Variants in FOXP1 observed in about 807,000 individuals in gnomAD.
FOXP1 encodes forkhead box P1, also known as forkhead box protein P1.
In FOXP1, 15 loss-of-function variants were observed where a neutral mutation model predicts 98.2. The ratio of observed to expected loss-of-function variants is 0.15; its 90% CI spans 0.10 to 0.24. FOXP1 has a LOEUF of 0.24. Among genes scored for constraint, FOXP1 ranks in the 10% least tolerant of loss-of-function variants. The pLI is 1.00. For synonymous variants in FOXP1, 371 were observed against 314.5 expected (o/e 1.18, Z -1.90); for missense variants, 633 against 848.5 (o/e 0.75, Z 3.15).
chr3:71,467,847 A>G (rs2088929383), intron 3 of FOXP1, among the ~76,000 whole-genome samples: 1 of 152,168 alleles, frequency 6.6e-6, no homozygotes, highest in African/African-American at 2.4e-5. Flanking sequence ...ACGCACTTCT[A>G]CCAAATTTCC....
At chr3:71,062,140 A>C (rs1213550134) in intron 7 of FOXP1, among the ~76,000 whole-genome samples, 1 of 152,128 alleles carries the variant, frequency 6.6e-6, no homozygotes, top group Admixed American at 6.5e-5. Flanking sequence ...GGTACATTAA[A>C]CTACAAACAA....
intron 7 of FOXP1, among the ~76,000 whole-genome samples, chr3:71,060,562 C>T (rs564763290): frequency 9.9e-5 from 15 of 152,066 alleles, no homozygotes; most frequent in African/African-American, 3.1e-4. Flanking sequence ...AAGCCATCTT[C>T]AGGAAAAAGT....
chr3:71,382,642 C>A (rs989279718), intron 3 of FOXP1, among the ~76,000 whole-genome samples: 1 of 152,142 alleles, frequency 6.6e-6, no homozygotes, highest in African/African-American at 2.4e-5. Flanking sequence ...CTTAAGACTG[C>A]AAATAGGGCC....
At chr3:71,366,474 ATG>A (rs754276682) in intron 3 of FOXP1, among the ~76,000 whole-genome samples, 6 of 152,228 alleles carry the variant, frequency 3.9e-5, no homozygotes, top group Non-Finnish European at 7.3e-5. Flanking sequence ...GTATAAAAAT[ATG>A]TGTCAATGAA....
intron 11 of FOXP1, among the ~76,000 whole-genome samples, chr3:71,019,172 G>C (rs1490798698): frequency 4.6e-5 from 7 of 152,170 alleles, no homozygotes; most frequent in African/African-American, 1.7e-4. Context: ...AAATAAAAAT[G>C]AGGAGAATAA....
intron 6 of FOXP1, among the ~76,000 whole-genome samples, chr3:71,151,162 T>C (rs529006832): frequency 7.1e-4 from 108 of 152,282 alleles, no homozygotes; most frequent in African/African-American, 2.4e-3. Flanking sequence ...TTCTCAACTG[T>C]GAAATGGGAA....
chr3:71,378,921 T>G (rs1021369152), intron 3 of FOXP1, among the ~76,000 whole-genome samples: 3 of 152,108 alleles, frequency 2.0e-5, no homozygotes, highest in Non-Finnish European at 2.9e-5. Context: ...AATGGGGAAC[T>G]ATTTACTATA....
chr3:71,399,864 G>A (rs1247030062), intron 3 of FOXP1, among the ~76,000 whole-genome samples: 2 of 152,000 alleles, frequency 1.3e-5, no homozygotes, highest in African/African-American at 2.4e-5. Flanking sequence ...ATGGCTCTAC[G>A]AATCATTTAA....
At chr3:71,429,784 T>TCA (rs2084528142) in intron 3 of FOXP1, among the ~76,000 whole-genome samples, 1 of 152,300 alleles carries the variant, frequency 6.6e-6, no homozygotes, top group South Asian at 2.1e-4. Flanking sequence ...GACAGCTAAA[T>TCA]CACCCCACGG....
intron 2 of FOXP1, among the ~76,000 whole-genome samples, chr3:71,511,265 C>T (rs1446667814): frequency 2.6e-5 from 4 of 152,146 alleles, no homozygotes; most frequent in Non-Finnish European, 5.9e-5. Flanking sequence ...TGAAAATAAG[C>T]TTCAAATGAC....
At chr3:71,283,398 C>T (rs1576757665) in intron 5 of FOXP1, among the ~76,000 whole-genome samples, 1 of 151,966 alleles carries the variant, frequency 6.6e-6, no homozygotes, top group African/African-American at 2.4e-5. Flanking sequence ...ATGGACACTA[C>T]TGCAAAGCTT....
Position 71,566,075 on chromosome 3 carries a change from C to T in FOXP1, c.-298+15474G>A, listed in dbSNP as rs141575870. Reference sequence around the variant, plus strand: ...TCCCAAAAGCGCACAGGTATATGAACATCCACATCTCTCACTGACCACCAT... The same window carrying T: ...TCCCAAAAGCGCACAGGTATATGAATATCCACATCTCTCACTGACCACCAT... On this transcript the variant is annotated intron_variant, in intron 2 of 20. Transcript: ENST00000649528. Among the ~76,000 whole-genome samples, 228 of 152,312 alleles carry T rather than the reference C, an allele frequency of 1.5e-3. 1 individual carries two copies. Among genetic ancestry groups the T allele is most frequent in the Middle Eastern group, 0.014 (4 of 294 alleles).
At chr3:70,968,696 ATATATTG>A (rs979496109) in intron 19 of FOXP1, 2 of 152,086 alleles carry the variant, frequency 1.3e-5, no homozygotes, top group Admixed American at 1.3e-4. Flanking sequence ...GTCCTATTTT[ATATATTG>A]TATATCATGC....
intron 2 of FOXP1, among the ~76,000 whole-genome samples, chr3:71,514,092 T>C (rs1408290918): frequency 6.6e-6 from 1 of 152,176 alleles, no homozygotes. Context: ...CAAAGGCAAG[T>C]CCTTTAATGG....
intron 7 of FOXP1, among the ~76,000 whole-genome samples, chr3:71,074,082 G>T (rs2053552260): frequency 6.6e-6 from 1 of 152,188 alleles, no homozygotes; most frequent in African/African-American, 2.4e-5. Context: ...TAACAAGATG[G>T]CTGAGAAATA....
At chr3:71,014,312 C>T (rs1441197931) in intron 12 of FOXP1, among the ~76,000 whole-genome samples, 4 of 152,036 alleles carry the variant, frequency 2.6e-5, no homozygotes, top group Non-Finnish European at 5.9e-5. Flanking sequence ...TCAAACAACC[C>T]CATCAAAAAG....
intron 2 of FOXP1, among the ~76,000 whole-genome samples, chr3:71,511,620 T>C (rs1246349589): frequency 6.6e-6 from 1 of 152,234 alleles, no homozygotes; most frequent in Admixed American, 6.5e-5. Flanking sequence ...ACTCAATTGG[T>C]GGCCCTGTAT....
At chr3:71,547,368 G>A (rs1285757111) in intron 2 of FOXP1, among the ~76,000 whole-genome samples, 2 of 152,208 alleles carry the variant, frequency 1.3e-5, no homozygotes, top group Non-Finnish European at 2.9e-5. Context: ...CTTCTTTGAG[G>A]AAAGGAGGGC....
In FOXP1 at chr3:70,977,151, G is replaced by A. The variant is rs1314502924; in HGVS notation, c.1429-109C>T. On this transcript the variant is annotated intron_variant, in intron 16 of 20. Coordinates refer to ENST00000649528, the MANE Select transcript of FOXP1 (RefSeq NM_001349338.3). ...ACTGTGATTCAGAGCTAAATCCTGAGAAAGGTTTTACAAAATGATCTAAGA... is the reference window on the plus strand; with the variant it reads ...ACTGTGATTCAGAGCTAAATCCTGAAAAAGGTTTTACAAAATGATCTAAGA... 1.3e-5 allele frequency: 10 copies of A among 785,078 alleles called. No homozygotes were observed. The East Asian group carries it at 2.0e-4, about 16-fold the overall frequency. The allele number at this position is 785,078 out of a possible 1,614,324, so 48.6% of individuals were successfully genotyped here. A position where few individuals can be genotyped will look rare whatever the true frequency, so the allele number is the denominator to read the frequency against.
Sources: gnomAD v4.1 joint callset for allele counts (sites outside exome capture counted in the v4.1 genomes callset) on GRCh38, gnomAD v4.1.1 for gene constraint, MANE v1.5 for transcripts, NCBI Gene and HGNC (gene_info 2026-07-23, HGNC 2026-07-21) for gene names.